ENOX2: variants seen among roughly 807,000 people sequenced by gnomAD.
ENOX2 encodes the protein ecto-NOX disulfide-thiol exchanger 2, also known as APK1 antigen.
A neutral mutation model predicts 45.0 loss-of-function variants in ENOX2; 36 were observed. That is an observed-to-expected ratio of 0.80 (90% confidence interval 0.61 to 1.06). The LOEUF (loss-of-function observed/expected upper bound fraction) is 1.06. Ranked by LOEUF, ENOX2 falls within the 50% of genes least tolerant of loss-of-function variation. The pLI, the probability that ENOX2 is intolerant of heterozygous loss-of-function variation, is 0.00. For synonymous variants in ENOX2, 174 were observed against 152.3 expected, an observed-to-expected ratio of 1.14 and a Z score of -1.05; for missense variants, 423 against 462.5, an observed-to-expected ratio of 0.91 and a Z score of 0.78.
At chrX:130,711,822 C>T (rs1418056714) in intron 3 of ENOX2, among the ~76,000 whole-genome samples, 1 of 111,427 alleles carries the variant, frequency 9.0e-6, no homozygotes, top group East Asian at 2.8e-4. Flanking sequence ...TCAAGATGTT[C>T]AATATTTAAG....
chrX:130,764,366 T>A (rs1479284062), intron 3 of ENOX2, among the ~76,000 whole-genome samples: 1 of 111,349 alleles, frequency 9.0e-6, no homozygotes, highest in Non-Finnish European at 1.9e-5. Flanking sequence ...CATCTTCTGC[T>A]AGTCTTTTAC....
intron 6 of ENOX2, among the ~76,000 whole-genome samples, chrX:130,671,741 T>C (rs1030756325): frequency 9.0e-6 from 1 of 111,231 alleles, no homozygotes; most frequent in African/African-American, 3.3e-5. Flanking sequence ...ATCAGAAGGG[T>C]TCTGCCTTAA....
chrX:130,871,772 C>T (rs1031647978), intron 2 of ENOX2, among the ~76,000 whole-genome samples: 1 of 110,889 alleles, frequency 9.0e-6, no homozygotes, highest in Non-Finnish European at 1.9e-5. Context: ...ATCTCCCTTA[C>T]ACCTTCTTTT....
At chrX:130,894,933 T>C (rs1349244276) in intron 2 of ENOX2, among the ~76,000 whole-genome samples, 1 of 111,952 alleles carries the variant, frequency 8.9e-6, no homozygotes, top group Admixed American at 9.5e-5. Context: ...GACTAGGCAA[T>C]GCCCCTCATC....
chrX:130,788,144 C>T (rs562256504), intron 2 of ENOX2, among the ~76,000 whole-genome samples: 2 of 112,164 alleles, frequency 1.8e-5, no homozygotes, highest in South Asian at 7.4e-4. Context: ...TTTAAGTAAA[C>T]TAGTCCCATT....
chrX:130,663,078 A>G (rs113078194), intron 9 of ENOX2, among the ~76,000 whole-genome samples: 6 of 112,466 alleles, frequency 5.3e-5, no homozygotes, highest in African/African-American at 1.9e-4. Context: ...AGCTATCTCT[A>G]CTGTGAGTCT....
At position 130,688,931 on chromosome X, in the gene ENOX2, G is replaced by A. The variant is rs1569486831; in HGVS notation, c.185C>T (p.Pro62Leu). 2 of 1,193,065 alleles carry A rather than the reference G, an allele frequency of 1.7e-6. No individual in the cohort carries two copies. Among genetic ancestry groups the A allele is most frequent in the South Asian group, 1.8e-5 (1 of 56,458 alleles). The change falls in exon 5 of 15, where the codon CCT becomes CTT. Residue 62 changes from proline (P) to leucine (L), a missense_variant. Physicochemically the swap from Pro to Leu is moderately conservative, Grantham distance 98. Transcript: ENST00000394363. ...PGLGIVPPPI[P>L]PDMPVVKEII... The stretch of plus-strand genomic sequence containing the variant: ...CTCTTTTACTACTGGCATATCTGGA[G>A]GAATTGGTGGAGGTACTATTCCCAA...
chrX:130,642,289 G>C lies in ENOX2; in HGVS notation c.1130-4879C>G, dbSNP rs180722901. 5.4e-5 allele frequency among the ~76,000 whole-genome samples: 6 copies of C among 111,847 alleles called. No homozygotes were observed. In the Admixed American group the frequency reaches 5.7e-4, roughly 11 times the overall value. ...ATGGCAGATGTGGAGGGAATAGCAA[G>C]ACATCTAGAATTAGAAGTGGAGCCT... is the stretch of plus-strand genomic sequence containing the variant. On this transcript the variant is annotated intron_variant, in intron 10 of 14. Transcript: ENST00000394363.
chrX:130,881,223 T>C (rs1174164396), intron 2 of ENOX2, among the ~76,000 whole-genome samples: 1 of 112,642 alleles, frequency 8.9e-6, no homozygotes. Flanking sequence ...ATAGTAAAGA[T>C]ACAGAATACT....
intron 2 of ENOX2, among the ~76,000 whole-genome samples, chrX:130,869,965 C>T (rs1025737780): frequency 8.9e-6 from 1 of 112,014 alleles, no homozygotes; most frequent in Non-Finnish European, 1.9e-5. Context: ...GTATCAAGAA[C>T]TACAAATTCT....
intron 10 of ENOX2, among the ~76,000 whole-genome samples, chrX:130,641,735 A>AG (rs1447967387): frequency 1.8e-5 from 2 of 109,285 alleles, no homozygotes; most frequent in African/African-American, 6.6e-5. Context: ...AAAAAAAAAA[A>AG]AAAAAAGAGA....
chrX:130,670,268 CAGAGACAGAGAGAGAG>C, intron 6 of ENOX2, 70 bp from the exon 7 acceptor site: 1 of 721,146 alleles, frequency 1.4e-6, no homozygotes, highest in Non-Finnish European at 2.1e-6. Flanking sequence ...GAGAGAGAGA[CAGAGACAGAGAGAGAG>C]AGAGACATGA....
chrX:130,832,440 TACAC>T (rs61623401), intron 2 of ENOX2, among the ~76,000 whole-genome samples: 5,844 of 90,976 alleles, frequency 0.064, 139 homozygotes, highest in East Asian at 0.13. Context: ...CACACACACA[TACAC>T]ACACACACAC....
intron 3 of ENOX2, among the ~76,000 whole-genome samples, chrX:130,778,564 C>G (rs1257015860): frequency 2.7e-5 from 3 of 111,910 alleles, no homozygotes; most frequent in Non-Finnish European, 5.6e-5. Context: ...TTTCTCTTCT[C>G]TAGTGATTAG....
At chrX:130,817,694 A>G (rs2038526245) in intron 2 of ENOX2, among the ~76,000 whole-genome samples, 1 of 112,391 alleles carries the variant, frequency 8.9e-6, no homozygotes, top group Non-Finnish European at 1.9e-5. Flanking sequence ...GATGCAGAAA[A>G]GGTCTTCCAT....
chrX:130,695,260 C>A (rs781629656), intron 4 of ENOX2, among the ~76,000 whole-genome samples: 35 of 112,156 alleles, frequency 3.1e-4, no homozygotes, highest in Non-Finnish European at 6.4e-4. Context: ...ATATTTCACA[C>A]ATGCATTGTC....
At chrX:130,649,467 A>G (rs901635732) in intron 10 of ENOX2, among the ~76,000 whole-genome samples, 2 of 111,428 alleles carry the variant, frequency 1.8e-5, no homozygotes, top group East Asian at 5.6e-4. Flanking sequence ...CTGTGGTCAG[A>G]TGGTCTATCC....
intron 2 of ENOX2, among the ~76,000 whole-genome samples, chrX:130,814,016 C>G (rs2077436562): frequency 8.9e-6 from 1 of 112,322 alleles, no homozygotes; most frequent in South Asian, 3.7e-4. Context: ...GCTGCTAGCA[C>G]AGCAGTCTGA....
At chrX:130,820,014 A>G (rs765389151) in intron 2 of ENOX2, among the ~76,000 whole-genome samples, 2 of 112,473 alleles carry the variant, frequency 1.8e-5, no homozygotes, top group Admixed American at 1.9e-4. Flanking sequence ...CAAAGGAAAC[A>G]ATAGACTGAA....
Sources: allele counts gnomAD v4.1 joint callset (sites outside exome capture counted in the v4.1 genomes callset), GRCh38; gene constraint gnomAD v4.1.1; transcripts MANE v1.5; gene names NCBI Gene and HGNC (gene_info 2026-07-23, HGNC 2026-07-21).